The following CLTA variants were observed in gnomAD, a reference collection of about 807,000 sequenced individuals.
The protein encoded by CLTA is clathrin light chain A.
CLTA carries 9 observed loss-of-function variants against 26.9 expected under a neutral mutation model. That is an observed-to-expected ratio of 0.33 (90% CI 0.20 to 0.58). CLTA has a LOEUF of 0.58. Among genes scored for constraint, CLTA ranks in the 20% least tolerant of loss-of-function variants. The probability of loss-of-function intolerance (pLI) is 0.85; values close to 1 mark genes in which losing one functional copy is unlikely to be tolerated. For synonymous variants in CLTA, 120 were observed against 115.5 expected (o/e 1.04, Z -0.25); for missense variants, 278 against 294.2 (o/e 0.94, Z 0.40).
chr9:36,199,227 T>C (rs1827254178), intron 3 of CLTA, 131 bp downstream of exon 3: 1 of 704,988 alleles, frequency 1.4e-6, no homozygotes, highest in South Asian at 1.6e-5. Flanking sequence ...CTTCTCAGCC[T>C]GAAGGTTACA....
chr9:36,195,097 C>G (rs1322682624), intron 1 of CLTA, among the ~76,000 whole-genome samples: 1 of 152,198 alleles, frequency 6.6e-6, no homozygotes, highest in African/African-American at 2.4e-5. Flanking sequence ...CCTGGCCAGA[C>G]TAGCCACTGT....
rs1827246963 is a variant in CLTA at position 36,199,090 on chromosome 9, G to T, written c.367G>T (p.Ala123Ser). The change falls in exon 3 of 5, where the codon GCC becomes TCC. Residue 123 changes from alanine (A) to serine (S), a missense_variant. Physicochemically the swap from Ala to Ser is moderately conservative, Grantham distance 99. Transcript: ENST00000345519. ...WREEQMERLE[A>S]LDANSRKQEA... is the part of the protein sequence containing the mutation. Reference sequence around the variant, plus strand: ...AGAAGAACAAATGGAACGCTTGGAAGCCCTTGGTAAGGAATCCCTTCTGTG... The same window carrying T: ...AGAAGAACAAATGGAACGCTTGGAATCCCTTGGTAAGGAATCCCTTCTGTG... The T allele has an allele frequency of 6.2e-7, 1 of 1,607,670 alleles. No homozygotes were observed. The highest frequency in any genetic ancestry group is 1.1e-5 in the South Asian group (1 of 90,966).
intron 3 of CLTA, among the ~76,000 whole-genome samples, chr9:36,200,661 C>T (rs1326430150): frequency 6.6e-6 from 1 of 152,104 alleles, no homozygotes; most frequent in African/African-American, 2.4e-5. Flanking sequence ...CTTTATAGCA[C>T]CATTCATTAG....
In CLTA at chr9:36,199,112, TG is replaced by T. The variant is rs1245034515; in HGVS notation, c.373+17del. The T allele has an allele frequency of 3.3e-6, 5 of 1,514,282 alleles. No individual in the cohort carries two copies. Among genetic ancestry groups the T allele is most frequent in the Non-Finnish European group, 4.6e-6 (5 of 1,089,342 alleles). 93.8% of individuals were successfully genotyped at this position (1,514,282 alleles called of 1,614,324 possible). On this transcript the variant is annotated intron_variant, in intron 3 of 4. Coordinates refer to ENST00000345519, the MANE Select transcript of CLTA (RefSeq NM_001833.4). The stretch of plus-strand genomic sequence containing the variant: ...GAAGCCCTTGGTAAGGAATCCCTTC[TG>T]TGTTTTGGTGTCTGTTTTCAGTGGA...
At chr9:36,204,953 G>T (rs879865174) in intron 4 of CLTA, among the ~76,000 whole-genome samples, 19 of 152,106 alleles carry the variant, frequency 1.2e-4, no homozygotes, top group Non-Finnish European at 2.1e-4. Context: ...TGTATAAACG[G>T]GCCAGACCGA....
At chr9:36,191,332 G>C in intron 1 of CLTA, 59 bp downstream of exon 1, 2 of 1,444,476 alleles carry the variant, frequency 1.4e-6, no homozygotes, top group South Asian at 2.8e-5. Context: ...GTCCACAGTG[G>C]GTCCGAGAGC....
intron 1 of CLTA, among the ~76,000 whole-genome samples, chr9:36,195,035 A>G (rs942527291): frequency 6.6e-6 from 1 of 152,330 alleles, no homozygotes; most frequent in Non-Finnish European, 1.5e-5. Context: ...GGGCTGGACT[A>G]TATTAGTGGA....
At chr9:36,209,127 CG>C (rs1827892928) in intron 4 of CLTA, 2 of 1,001,126 alleles carry the variant, frequency 2.0e-6, no homozygotes, top group Non-Finnish European at 3.0e-6. Context: ...GGAAGCCTCA[CG>C]GGGGTTAGGA....
At chr9:36,197,997 CTTTTTTT>C (rs11308341) in intron 2 of CLTA, among the ~76,000 whole-genome samples, 3 of 104,246 alleles carry the variant, frequency 2.9e-5, no homozygotes, top group African/African-American at 7.2e-5. Flanking sequence ...TTATTTGAGT[CTTTTTTT>C]TTTTTTTTTT....
At chr9:36,192,997 G>A (rs1250932195) in intron 1 of CLTA, among the ~76,000 whole-genome samples, 1 of 152,198 alleles carries the variant, frequency 6.6e-6, no homozygotes, top group Non-Finnish European at 1.5e-5. Context: ...GTTTGACAAA[G>A]AAATGGGCAA....
intron 2 of CLTA, among the ~76,000 whole-genome samples, chr9:36,197,801 G>A (rs576505401): frequency 1.5e-4 from 23 of 152,250 alleles, no homozygotes; most frequent in African/African-American, 4.8e-4. Context: ...TGCCCCTAGT[G>A]TTATCACCTT....
At chr9:36,202,375 C>G (rs1024548413) in intron 3 of CLTA, among the ~76,000 whole-genome samples, 5 of 152,014 alleles carry the variant, frequency 3.3e-5, no homozygotes, top group African/African-American at 1.2e-4. Flanking sequence ...TTCATCCCTT[C>G]TAGTAGTTAC....
chr9:36,199,059 A>G lies in CLTA; in HGVS notation c.336A>G (p.Lys112=). The G allele has an allele frequency of 6.2e-7, 1 of 1,613,874 alleles. No individual in the cohort carries two copies. Among genetic ancestry groups the G allele is most frequent in the Non-Finnish European group, 8.5e-7 (1 of 1,179,738 alleles). The change falls in exon 3 of 5, where the codon AAA becomes AAG. Residue 112 remains lysine, a synonymous_variant. Transcript: ENST00000345519. ...RLQSEPESIR[K]WREEQMERLE... ...AGTCAGAGCCTGAAAGTATCCGTAA[A>G]TGGAGAGAAGAACAAATGGAACGCT...
chr9:36,193,690 C>G (rs1826867704), intron 1 of CLTA, among the ~76,000 whole-genome samples: 1 of 152,220 alleles, frequency 6.6e-6, no homozygotes, highest in Admixed American at 6.5e-5. Context: ...TCAGCTATGA[C>G]AGATTGATGA....
chr9:36,200,525 A>G (rs1827346258), intron 3 of CLTA, among the ~76,000 whole-genome samples: 1 of 152,230 alleles, frequency 6.6e-6, no homozygotes, highest in African/African-American at 2.4e-5. Context: ...TTCAGATGGG[A>G]TAACTGACAC....
At chr9:36,205,995 C>T (rs1172885620) in intron 4 of CLTA, among the ~76,000 whole-genome samples, 6 of 152,058 alleles carry the variant, frequency 3.9e-5, no homozygotes, top group African/African-American at 1.2e-4. Flanking sequence ...CTCCTGACCT[C>T]GTGATCTGCC....
At chr9:36,210,571 T>C in intron 4 of CLTA, 1 of 1,613,622 alleles carries the variant, frequency 6.2e-7, no homozygotes, top group Non-Finnish European at 8.5e-7. Flanking sequence ...CATTCTCATT[T>C]TCTATATCTG....
At chr9:36,210,749 C>T (rs753286788) in intron 4 of CLTA, 65 of 1,496,062 alleles carry the variant, frequency 4.3e-5, no homozygotes, top group East Asian at 2.9e-4. Context: ...GTGTTTGCCA[C>T]GGCCATCCCT....
intron 3 of CLTA, among the ~76,000 whole-genome samples, chr9:36,203,663 A>G (rs1827553048): frequency 6.6e-6 from 1 of 152,248 alleles, no homozygotes; most frequent in Non-Finnish European, 1.5e-5. Context: ...TATTGGCAGC[A>G]TTGGTAAAGA....
Sources: gnomAD v4.1 joint callset for allele counts (sites outside exome capture counted in the v4.1 genomes callset) on GRCh38, gnomAD v4.1.1 for gene constraint, MANE v1.5 for transcripts, NCBI Gene and HGNC (gene_info 2026-07-23, HGNC 2026-07-21) for gene names.